The following NUDT19 variants were observed in gnomAD, a reference collection of about 807,000 sequenced individuals.
The protein encoded by NUDT19 is nudix hydrolase 19, also known as acyl-coenzyme A diphosphatase NUDT19.
NUDT19 carries 31 observed loss-of-function variants against 22.2 expected under a neutral mutation model. The observed-to-expected ratio is 1.40, with a 90% CI of 1.05 to 1.89. The LOEUF is 1.89. Ranked by LOEUF, NUDT19 falls within the 40% of genes most tolerant of loss-of-function variation. The probability of loss-of-function intolerance (pLI) is 0.00; values close to 1 mark genes in which losing one functional copy is unlikely to be tolerated. For synonymous variants in NUDT19, 325 were observed against 230.8 expected, an observed-to-expected ratio of 1.41 and a Z score of -3.70; for missense variants, 752 against 514.2, an observed-to-expected ratio of 1.46 and a Z score of -4.47.
chr19:32,711,697 A>C, intron 2 of NUDT19, 55 bp from the exon 3 acceptor site: 1 of 1,001,284 alleles, frequency 1.0e-6, no homozygotes, highest in Non-Finnish European at 1.5e-6. Flanking sequence ...ACTTTCTGCC[A>C]TGGTGAAAAA....
In NUDT19 at chr19:32,692,203, G is replaced by A. The variant is rs751893921; in HGVS notation, c.243G>A (p.Ala81=). ...CGGCGGACTGGCTGGGCCTCTTCGC[G>A]CCGCACCACGGGCCGCCGCGCTTCG... ...DRSADWLGLF[A]PHHGPPRFGL... The change falls in exon 1 of 3, where the codon GCG becomes GCA. Residue 81 remains alanine, a synonymous_variant. Transcript: ENST00000397061. The A allele has an allele frequency of 1.8e-5, 28 of 1,575,690 alleles. No individual in the cohort carries two copies. In the East Asian group the frequency reaches 2.8e-4, roughly 16 times the overall value.
At chr19:32,699,360 C>T (rs969029113) in intron 1 of NUDT19, among the ~76,000 whole-genome samples, 5 of 152,156 alleles carry the variant, frequency 3.3e-5, no homozygotes, top group African/African-American at 9.7e-5. Context: ...GCCTGTGCGA[C>T]GTGACTTTCA....
At chr19:32,696,450 T>A (rs1968264490) in intron 1 of NUDT19, among the ~76,000 whole-genome samples, 1 of 152,158 alleles carries the variant, frequency 6.6e-6, no homozygotes, top group African/African-American at 2.4e-5. Flanking sequence ...CCAAGAGCTA[T>A]TCCTGCTCTC....
chr19:32,693,342 C>T (rs1032400993), intron 1 of NUDT19, among the ~76,000 whole-genome samples: 2 of 151,978 alleles, frequency 1.3e-5, no homozygotes, highest in African/African-American at 2.4e-5. Flanking sequence ...GGTGGTGCGT[C>T]AGGAGTTGTT....
Position 32,691,822 on chromosome 19 carries a change from A to C in NUDT19, c.-139A>C, listed in dbSNP as rs899505385. 7 of 437,088 alleles carry C rather than the reference A, an allele frequency of 1.6e-5. No homozygotes were observed. The highest frequency in any genetic ancestry group is 2.5e-5 in the Non-Finnish European group (7 of 276,740). The allele number at this position is 437,088 out of a possible 1,614,324, so 27.1% of individuals were successfully genotyped here. On this transcript the variant is annotated 5_prime_UTR_variant, in exon 1 of 3. Transcript: ENST00000397061. Reference sequence around the variant, plus strand: ...CACAGGCAGGCGCCGTTGCCGACCAAACGCCCAGGTTCACCCAACGCCAGA... The same window carrying C: ...CACAGGCAGGCGCCGTTGCCGACCACACGCCCAGGTTCACCCAACGCCAGA...
intron 1 of NUDT19, among the ~76,000 whole-genome samples, chr19:32,693,448 C>T (rs1427512305): frequency 6.6e-6 from 1 of 152,158 alleles, no homozygotes; most frequent in Non-Finnish European, 1.5e-5. Context: ...AGTGCGGACC[C>T]AAGGAGTGAG....
At chr19:32,692,724 G>A (rs766670701) in intron 1 of NUDT19, 50 bp downstream of exon 1, 3 of 1,364,834 alleles carry the variant, frequency 2.2e-6, no homozygotes, top group African/African-American at 3.1e-5. Flanking sequence ...GTGAGAGGGA[G>A]GACCCCTCCC....
At chr19:32,708,320 G>A (rs540223861) in intron 1 of NUDT19, among the ~76,000 whole-genome samples, 2 of 151,112 alleles carry the variant, frequency 1.3e-5, no homozygotes, top group East Asian at 2.0e-4. Flanking sequence ...CCAGTTACTT[G>A]GGAGGCTGAG....
intron 2 of NUDT19, 56 bp downstream of exon 2, chr19:32,709,448 T>A (rs770014366): frequency 3.0e-5 from 42 of 1,413,720 alleles, no homozygotes; most frequent in Non-Finnish European, 4.2e-5. Flanking sequence ...TGCCCTGGGC[T>A]GCATGGCTGT....
At chr19:32,711,640 T>C in intron 2 of NUDT19, 112 bp from the exon 3 acceptor site, 1 of 651,970 alleles carries the variant, frequency 1.5e-6, no homozygotes, top group Non-Finnish European at 2.7e-6. Context: ...TTCATTAGTA[T>C]ATTGGAGTGA....
chr19:32,694,180 A>C (rs1162759981), intron 1 of NUDT19, among the ~76,000 whole-genome samples: 1 of 152,262 alleles, frequency 6.6e-6, no homozygotes, highest in Non-Finnish European at 1.5e-5. Flanking sequence ...GGATGTAGAA[A>C]GGGGAGAAGC....
chr19:32,709,653 C>CTT (rs766801801), intron 2 of NUDT19, among the ~76,000 whole-genome samples: 10 of 144,072 alleles, frequency 6.9e-5, no homozygotes, highest in Admixed American at 1.4e-4. Context: ...TAATTTCTCA[C>CTT]TTTTTTTTTT....
intron 1 of NUDT19, among the ~76,000 whole-genome samples, chr19:32,699,974 C>T (rs1242012484): frequency 1.3e-5 from 2 of 151,900 alleles, no homozygotes; most frequent in Admixed American, 1.3e-4. Context: ...GTTGTTTGTT[C>T]CTCCTGGTGC....
intron 1 of NUDT19, among the ~76,000 whole-genome samples, chr19:32,704,093 T>A (rs1968362999): frequency 1.3e-5 from 2 of 152,184 alleles, no homozygotes; most frequent in South Asian, 4.1e-4. Flanking sequence ...ATCCTCTAAC[T>A]TTTGCTTGCT....
At chr19:32,695,584 T>C (rs1968253630) in intron 1 of NUDT19, among the ~76,000 whole-genome samples, 1 of 152,230 alleles carries the variant, frequency 6.6e-6, no homozygotes, top group African/African-American at 2.4e-5. Flanking sequence ...TGTCTTTGAC[T>C]TTGCCTCTTT....
rs1968189380 is a variant in NUDT19 at position 32,692,077 on chromosome 19, C to G, written c.117C>G (p.Ala39=). Residue 39 remains alanine, a synonymous_variant, in exon 1 of 3, where the codon GCC becomes GCG. Coordinates refer to ENST00000397061, the MANE Select transcript of NUDT19 (RefSeq NM_001105570.2). ...CCCCGCCGTCGCGCCCGCCGCCGGC[C>G]GAGGGCTTCCGGCTGCTGCTGCTGC... ...TATPPSRPPP[A]EGFRLLLLQR... The G allele has an allele frequency of 2.3e-6, 3 of 1,318,920 alleles. No homozygotes were observed. Among genetic ancestry groups the G allele is most frequent in the Admixed American group, 7.6e-5 (2 of 26,156 alleles). 81.7% of individuals were successfully genotyped at this position (1,318,920 alleles called of 1,614,324 possible). A position where few individuals can be genotyped will look rare whatever the true frequency, so the allele number is the denominator to read the frequency against.
At chr19:32,710,320 G>GTT (rs1160785842) in intron 2 of NUDT19, among the ~76,000 whole-genome samples, 2 of 121,376 alleles carry the variant, frequency 1.6e-5, no homozygotes, top group African/African-American at 6.1e-5. Context: ...AGCCAACTTT[G>GTT]TTTTTTTTTT....
intron 1 of NUDT19, among the ~76,000 whole-genome samples, chr19:32,697,085 C>G (rs988841265): frequency 6.6e-6 from 1 of 152,104 alleles, no homozygotes; most frequent in Non-Finnish European, 1.5e-5. Flanking sequence ...TCCTTGTAAA[C>G]CACACTGATA....
intron 1 of NUDT19, among the ~76,000 whole-genome samples, chr19:32,705,055 G>A (rs1029007249): frequency 1.4e-5 from 2 of 144,072 alleles, no homozygotes; most frequent in South Asian, 2.2e-4. Flanking sequence ...GCAGTGAGCC[G>A]AGATCACGCC....
Sources: allele counts gnomAD v4.1 joint callset (sites outside exome capture counted in the v4.1 genomes callset), GRCh38; gene constraint gnomAD v4.1.1; transcripts MANE v1.5; gene names NCBI Gene and HGNC (gene_info 2026-07-23, HGNC 2026-07-21).